SFXN5: variants seen among roughly 807,000 people sequenced by gnomAD.
SFXN5 encodes sideroflexin-5.
Under a neutral mutation model 50.2 loss-of-function variants are expected in SFXN5, and 43 were observed. That is an observed-to-expected ratio of 0.86 (90% CI 0.67 to 1.11). The LOEUF is 1.11. SFXN5 is among the 50% of genes least tolerant of loss of function. SFXN5 has a pLI of 0.00. For synonymous variants in SFXN5, 203 were observed against 185.8 expected (o/e 1.09, Z -0.75); for missense variants, 463 against 454.1 (o/e 1.02, Z -0.18).
chr2:73,053,831 C>A (rs1681716441), intron 2 of SFXN5, among the ~76,000 whole-genome samples: 1 of 152,128 alleles, frequency 6.6e-6, no homozygotes. Flanking sequence ...GACAAATGAG[C>A]TCATCCAAAT....
At chr2:73,019,045 C>CAGT (rs1456341690) in intron 6 of SFXN5, among the ~76,000 whole-genome samples, 1 of 152,134 alleles carries the variant, frequency 6.6e-6, no homozygotes. Context: ...TGTTCACCAA[C>CAGT]AGTAGTATGA....
intron 12 of SFXN5, among the ~76,000 whole-genome samples, chr2:72,965,001 C>G (rs1348864960): frequency 6.6e-6 from 1 of 152,238 alleles, no homozygotes; most frequent in Admixed American, 6.5e-5. Context: ...TAAGTGAGGA[C>G]AGGCATTTTT....
intron 13 of SFXN5, among the ~76,000 whole-genome samples, chr2:72,949,722 G>A (rs552550659): frequency 6.6e-6 from 1 of 152,250 alleles, no homozygotes; most frequent in South Asian, 2.1e-4. Flanking sequence ...TCAGAGAAGT[G>A]CCAGGTCCTG....
At chr2:73,014,255 A>G (rs974246430) in intron 6 of SFXN5, among the ~76,000 whole-genome samples, 10 of 152,098 alleles carry the variant, frequency 6.6e-5, no homozygotes, top group African/African-American at 1.7e-4. Flanking sequence ...TGATGTAGAG[A>G]TCTGACTTTC....
chr2:72,967,776 C>T (rs934350458), intron 12 of SFXN5, among the ~76,000 whole-genome samples: 2 of 152,162 alleles, frequency 1.3e-5, no homozygotes, highest in Non-Finnish European at 2.9e-5. Context: ...CCTGCCTTCT[C>T]CCAGGGCCCG....
chr2:73,022,263 G>A (rs1172519322), intron 5 of SFXN5, among the ~76,000 whole-genome samples: 1 of 152,148 alleles, frequency 6.6e-6, no homozygotes, highest in Non-Finnish European at 1.5e-5. Context: ...TGGTGGTGGG[G>A]GCTACCAGAT....
At chr2:73,033,456 C>T (rs1166746846) in intron 3 of SFXN5, among the ~76,000 whole-genome samples, 1 of 152,098 alleles carries the variant, frequency 6.6e-6, no homozygotes, top group East Asian at 1.9e-4. Flanking sequence ...GAGCAGGTGG[C>T]AGAGATGGAG....
At chr2:73,071,297 G>A (rs1421051872) in intron 1 of SFXN5, 3 of 391,356 alleles carry the variant, frequency 7.7e-6, no homozygotes, top group East Asian at 5.5e-5. Flanking sequence ...GAAGCCGGGC[G>A]CTCGGGACCT....
chr2:73,031,773 A>C (rs981910766), intron 3 of SFXN5, among the ~76,000 whole-genome samples: 2 of 152,238 alleles, frequency 1.3e-5, no homozygotes, highest in Non-Finnish European at 2.9e-5. Flanking sequence ...GGCTGCAGTG[A>C]CAACAGTCAG....
At chr2:73,003,562 T>G (rs1331288247) in intron 6 of SFXN5, among the ~76,000 whole-genome samples, 2 of 152,174 alleles carry the variant, frequency 1.3e-5, no homozygotes, top group Admixed American at 1.3e-4. Context: ...CAACTGAGTC[T>G]CTTTGCACCG....
At chr2:73,001,626 T>C (rs1245226979) in intron 6 of SFXN5, 48 bp from the exon 7 acceptor site, 1 of 1,592,260 alleles carries the variant, frequency 6.3e-7, no homozygotes, top group Non-Finnish European at 8.6e-7. Context: ...AGAAACATCC[T>C]ATGCTTTTGC....
chr2:73,051,541 C>G lies in SFXN5; in HGVS notation c.171+6987G>C, dbSNP rs1044000639. On this transcript the variant is annotated intron_variant, in intron 2 of 13. Coordinates refer to ENST00000272433, the MANE Select transcript of SFXN5 (RefSeq NM_144579.3). The stretch of plus-strand genomic sequence containing the variant: ...AAAGTGCTGGGATTACAGGCGTGAG[C>G]CACCGCCCCCAGCCTTCCAGCACTC... Among the ~76,000 whole-genome samples the G allele has an allele frequency of 6.6e-5, 10 of 152,320 alleles. No individual in the cohort carries two copies. In the South Asian group the frequency reaches 2.1e-3, roughly 32 times the overall value.
In SFXN5 at chr2:72,950,654, G is replaced by A. The variant is rs1243821733; in HGVS notation, c.946-5555C>T. Among the ~76,000 whole-genome samples the A allele has an allele frequency of 6.6e-6, 1 of 152,208 alleles. No individual in the cohort carries two copies. Among genetic ancestry groups the A allele is most frequent in the Admixed American group, 6.5e-5 (1 of 15,290 alleles). On this transcript the variant is annotated intron_variant, in intron 13 of 13. Coordinates refer to ENST00000272433, the MANE Select transcript of SFXN5 (RefSeq NM_144579.3). This position sits in a 1 kb window ranked among gnomAD's most constrained non-coding sequence, Gnocchi z 4.2. Reference sequence around the variant, plus strand: ...GACCACCTCTCTGAGGTAAGTGTGGGGCCAAGTTTTCTCCAAGGGAACCAC... The same window carrying A: ...GACCACCTCTCTGAGGTAAGTGTGGAGCCAAGTTTTCTCCAAGGGAACCAC...
intron 2 of SFXN5, 91 bp downstream of exon 2, chr2:73,058,437 C>T (rs1222191846): frequency 5.6e-6 from 7 of 1,243,776 alleles, no homozygotes; most frequent in African/African-American, 4.5e-5. Context: ...CTCTTCACTC[C>T]CCCATCCTCA....
intron 6 of SFXN5, chr2:73,019,967 A>T (rs1387058740): frequency 2.7e-6 from 1 of 370,636 alleles, no homozygotes; most frequent in Non-Finnish European, 4.8e-6. Context: ...GCAGGTGCTA[A>T]TGACAACAGT....
intron 12 of SFXN5, among the ~76,000 whole-genome samples, chr2:72,963,462 C>G (rs1673990728): frequency 6.6e-6 from 1 of 151,722 alleles, no homozygotes; most frequent in African/African-American, 2.4e-5. Context: ...AGGAGTCAGG[C>G]CTGAGGCTGA....
chr2:73,039,046 G>A (rs1201968584), intron 3 of SFXN5, among the ~76,000 whole-genome samples: 3 of 152,052 alleles, frequency 2.0e-5, no homozygotes, highest in Non-Finnish European at 4.4e-5. Context: ...CCCCTCCTCA[G>A]CCTCCCAAGT....
chr2:73,056,252 G>A (rs114765201), intron 2 of SFXN5, among the ~76,000 whole-genome samples: 1,669 of 152,184 alleles, frequency 0.011, 29 homozygotes, highest in African/African-American at 0.038. Flanking sequence ...TGTGGTGGCA[G>A]GTGCCTGTAA....
At chr2:73,003,171 A>T (rs1048674995) in intron 6 of SFXN5, among the ~76,000 whole-genome samples, 1 of 152,152 alleles carries the variant, frequency 6.6e-6, no homozygotes, top group Admixed American at 6.5e-5. Context: ...TGAAGAGTAC[A>T]TGTGCTCCTA....
Sources: allele counts gnomAD v4.1 joint callset (sites outside exome capture counted in the v4.1 genomes callset), GRCh38; gene constraint gnomAD v4.1.1; non-coding constraint Gnocchi (gnomAD v3.1); transcripts MANE v1.5; gene names NCBI Gene and HGNC (gene_info 2026-07-23, HGNC 2026-07-21).